Variants in EPHA7 observed in about 807,000 individuals in gnomAD.
EPHA7 encodes EPH receptor A7.
A neutral mutation model predicts 112.6 loss-of-function variants in EPHA7; 25 were observed. The ratio of observed to expected loss-of-function variants is 0.22; its 90% CI spans 0.16 to 0.31. The LOEUF (loss-of-function observed/expected upper bound fraction) is 0.31, where lower values mean the gene tolerates loss of function less well. Among genes scored for constraint, EPHA7 ranks in the 10% least tolerant of loss-of-function variants. EPHA7 has a pLI of 1.00. For missense variants in EPHA7, 962 were observed against 1,212.6 expected (o/e 0.79, Z 3.07); for synonymous variants, 437 against 406.5 (o/e 1.07, Z -0.90).
intron 5 of EPHA7, among the ~76,000 whole-genome samples, chr6:93,336,348 C>T (rs1205658986): frequency 1.3e-5 from 2 of 152,112 alleles, no homozygotes; most frequent in Non-Finnish European, 2.9e-5. Context: ...GTGTATCTCA[C>T]TTTGAAAGTG....
Position 93,240,526 on chromosome 6 carries a change from G to A in EPHA7, c.*2900C>T, listed in dbSNP as rs1769646625. The A allele has an allele frequency of 4.5e-6, 1 of 219,994 alleles. No homozygotes were observed. Among genetic ancestry groups the A allele is most frequent in the East Asian group, 6.7e-5 (1 of 15,018 alleles). 13.6% of individuals were successfully genotyped at this position (219,994 alleles called of 1,614,324 possible). A position where few individuals can be genotyped will look rare whatever the true frequency, so the allele number is the denominator to read the frequency against. On this transcript the variant is annotated 3_prime_UTR_variant, in exon 17 of 17. Coordinates refer to ENST00000369303, the MANE Select transcript of EPHA7 (RefSeq NM_004440.4). The stretch of plus-strand genomic sequence containing the variant: ...TAAACCACCAGTTCTAGTAAACAAG[G>A]ACCAGATCAATTGCTGAGAAAATGT...
chr6:93,327,357 C>G (rs1476727415), intron 5 of EPHA7, among the ~76,000 whole-genome samples: 1 of 151,532 alleles, frequency 6.6e-6, no homozygotes, highest in African/African-American at 2.4e-5. Context: ...CCCTGGCACT[C>G]ACACCTCAAC....
chr6:93,324,797 T>C (rs1774236323), intron 5 of EPHA7, among the ~76,000 whole-genome samples: 2 of 151,446 alleles, frequency 1.3e-5, no homozygotes, highest in Admixed American at 1.3e-4. Flanking sequence ...CATTGAGAAC[T>C]TCATAATTTT....
chr6:93,411,884 T>C (rs1778992928), intron 2 of EPHA7, among the ~76,000 whole-genome samples: 1 of 152,102 alleles, frequency 6.6e-6, no homozygotes, highest in Non-Finnish European at 1.5e-5. Flanking sequence ...TGCTGGATCA[T>C]ATTTAGTATA....
chr6:93,385,751 A>G (rs973418618), intron 3 of EPHA7, among the ~76,000 whole-genome samples: 5 of 152,152 alleles, frequency 3.3e-5, no homozygotes, highest in Non-Finnish European at 7.4e-5. Context: ...ATAGATAGAT[A>G]ATTAGTCTAT....
At chr6:93,396,927 TA>T (rs1374486077) in intron 3 of EPHA7, among the ~76,000 whole-genome samples, 1 of 151,820 alleles carries the variant, frequency 6.6e-6, no homozygotes, top group Non-Finnish European at 1.5e-5. Flanking sequence ...TATGATAATA[TA>T]TTATATGATT....
intron 3 of EPHA7, among the ~76,000 whole-genome samples, chr6:93,370,570 C>G (rs1447089487): frequency 1.3e-5 from 2 of 152,008 alleles, no homozygotes; most frequent in Non-Finnish European, 2.9e-5. Flanking sequence ...GTAGAGTAAG[C>G]AAAAACACTG....
At chr6:93,294,356 A>T (rs534661048) in intron 5 of EPHA7, among the ~76,000 whole-genome samples, 1 of 152,174 alleles carries the variant, frequency 6.6e-6, no homozygotes, top group Non-Finnish European at 1.5e-5. Context: ...GTGACAAGGT[A>T]GTCTAAATTT....
At chr6:93,390,935 A>G (rs542738669) in intron 3 of EPHA7, among the ~76,000 whole-genome samples, 2 of 152,038 alleles carry the variant, frequency 1.3e-5, no homozygotes, top group African/African-American at 4.8e-5. Context: ...TTTTCCCAAC[A>G]GTCTTTTTAG....
At chr6:93,370,343 C>CA (rs3839557) in intron 3 of EPHA7, among the ~76,000 whole-genome samples, 1 of 152,060 alleles carries the variant, frequency 6.6e-6, no homozygotes, top group East Asian at 1.9e-4. Context: ...TACCCAAACC[C>CA]AAAAAAGTAA....
intron 3 of EPHA7, among the ~76,000 whole-genome samples, chr6:93,405,803 GTGTGTGTGTGTA>G (rs1324473960): frequency 3.2e-5 from 2 of 62,444 alleles, no homozygotes; most frequent in East Asian, 1.3e-3. Context: ...GTGTGTGTGT[GTGTGTGTGTGTA>G]TATATATATA....
rs2127994657 is a variant in EPHA7 at position 93,410,715 on chromosome 6, C to A, written c.618G>T (p.Trp206Cys). 6.2e-7 allele frequency: 1 copy of A among 1,614,046 alleles called. No individual in the cohort carries two copies. Among genetic ancestry groups the A allele is most frequent in the Non-Finnish European group, 8.5e-7 (1 of 1,179,972 alleles). ...AGATAGCTAAGTTCTCAATAATGGACCAGCACTTCTTGTAGTACACTTTGA... is the reference window on the plus strand; with the variant it reads ...AGATAGCTAAGTTCTCAATAATGGAACAGCACTTCTTGTAGTACACTTTGA... ...VSVKVYYKKC[W>C]SIIENLAIFP... is the part of the protein sequence containing the mutation. Residue 206 changes from tryptophan (W) to cysteine (C), a missense_variant, in exon 3 of 17, where the codon TGG (tryptophan) becomes TGT (cysteine). Physicochemically the swap from Trp to Cys is radical, Grantham distance 215 (BLOSUM62 -2). This residue lies in a region of EPHA7 where 160 missense variants were observed against 263.6 expected (regional missense o/e 0.61). Transcript: ENST00000369303. This position sits in a 1 kb window ranked among gnomAD's most constrained non-coding sequence, Gnocchi z 4.0.
At chr6:93,327,863 T>A (rs1168046401) in intron 5 of EPHA7, among the ~76,000 whole-genome samples, 1 of 151,208 alleles carries the variant, frequency 6.6e-6, no homozygotes, top group Non-Finnish European at 1.5e-5. Context: ...AATGAGATGG[T>A]TATGAAAGTA....
At chr6:93,326,384 T>A (rs2127893597) in intron 5 of EPHA7, among the ~76,000 whole-genome samples, 1 of 151,516 alleles carries the variant, frequency 6.6e-6, no homozygotes, top group East Asian at 1.9e-4. Flanking sequence ...TTTAAATGAA[T>A]GCTCTATTTA....
intron 3 of EPHA7, among the ~76,000 whole-genome samples, chr6:93,362,555 C>T (rs182866676): frequency 7.2e-5 from 11 of 152,066 alleles, no homozygotes; most frequent in African/African-American, 2.6e-4. Flanking sequence ...GATACCAAAA[C>T]CTTCTATGCT....
chr6:93,372,278 A>G (rs1776838500), intron 3 of EPHA7, among the ~76,000 whole-genome samples: 1 of 152,160 alleles, frequency 6.6e-6, no homozygotes, highest in Non-Finnish European at 1.5e-5. Context: ...TAATGAGCAT[A>G]CTACCTATGG....
chr6:93,287,975 G>A (rs909772948), intron 5 of EPHA7, among the ~76,000 whole-genome samples: 6 of 152,082 alleles, frequency 3.9e-5, no homozygotes, highest in African/African-American at 7.2e-5. Flanking sequence ...TTCTTTATAC[G>A]TTGTTGGTAG....
At chr6:93,254,987 C>T (rs867991204) in intron 13 of EPHA7, among the ~76,000 whole-genome samples, 191 bp from the exon 14 acceptor site, 1 of 152,066 alleles carries the variant, frequency 6.6e-6, no homozygotes, top group South Asian at 2.1e-4. Context: ...TTCATCATTT[C>T]AAGTTTACAA....
At chr6:93,414,308 A>C (rs1287683823) in intron 2 of EPHA7, among the ~76,000 whole-genome samples, 1 of 151,966 alleles carries the variant, frequency 6.6e-6, no homozygotes, top group African/African-American at 2.4e-5. Context: ...ATAGGAAAAC[A>C]GATTGATTAC....
Sources: gnomAD v4.1 joint callset for allele counts (sites outside exome capture counted in the v4.1 genomes callset) on GRCh38, gnomAD v4.1.1 for gene constraint, gnomAD v4.1.1 regional missense constraint, Gnocchi (gnomAD v3.1) non-coding constraint, MANE v1.5 for transcripts, NCBI Gene and HGNC (gene_info 2026-07-23, HGNC 2026-07-21) for gene names.